The following PKD1L1 variants were observed in gnomAD, a reference collection of about 807,000 sequenced individuals.
The protein encoded by PKD1L1 is polycystin 1 like 1, transient receptor potential channel interacting.
In PKD1L1, 236 loss-of-function variants were observed where a neutral mutation model predicts 323.4. That is an observed-to-expected ratio of 0.73 (90% CI 0.66 to 0.81). The LOEUF is 0.81. Among genes scored for constraint, PKD1L1 ranks in the 40% least tolerant of loss-of-function variants. PKD1L1 has a pLI of 0.00. For missense variants in PKD1L1, 3,320 were observed against 3,508.0 expected (o/e 0.95, Z 1.35); for synonymous variants, 1,344 against 1,335.0 (o/e 1.01, Z -0.15).
rs150396133 is a variant in PKD1L1 at position 47,804,658 on chromosome 7, G to A, written c.7828-1314C>T. ...TATTATTATTATTTTTATTTTTTTTGCATTTTAATAGAGACAGCATTTCAC... is the reference window on the plus strand; with the variant it reads ...TATTATTATTATTTTTATTTTTTTTACATTTTAATAGAGACAGCATTTCAC... On this transcript the variant is annotated intron_variant, in intron 52 of 56. Transcript: ENST00000289672. Among the ~76,000 whole-genome samples, 385 of 150,980 alleles carry A rather than the reference G, an allele frequency of 2.6e-3. 1 individual carries two copies. Among genetic ancestry groups the A allele is most frequent in the African/African-American group, 8.7e-3 (359 of 41,244 alleles).
At chr7:47,784,584 T>C (rs1208495471) in intron 56 of PKD1L1, among the ~76,000 whole-genome samples, 1 of 152,114 alleles carries the variant, frequency 6.6e-6, no homozygotes, top group Non-Finnish European at 1.5e-5. Context: ...GCAATTCTCC[T>C]GCCTCAGCCT....
chr7:47,858,368 AC>A (rs34993458), intron 27 of PKD1L1, among the ~76,000 whole-genome samples: 31,302 of 152,172 alleles, frequency 0.21, 4,080 homozygotes, highest in African/African-American at 0.36. Flanking sequence ...CCTCAAAAAA[AC>A]AGAAGGTATC....
intron 16 of PKD1L1, among the ~76,000 whole-genome samples, 200 bp downstream of exon 16, chr7:47,890,342 G>A (rs1025462571): frequency 6.6e-6 from 1 of 152,232 alleles, no homozygotes; most frequent in African/African-American, 2.4e-5. Context: ...GTCAGATGCT[G>A]CCCAGACATC....
Position 47,936,837 on chromosome 7 carries a change from T to G in PKD1L1, c.398+9A>C. ...AAAAGCAATATTTCGCCATGGTACA[T>G]TGACATACCTATCAGCACTGTTATC... On this transcript the variant is annotated intron_variant, in intron 4 of 56. Transcript: ENST00000289672. 4 of 1,583,012 alleles carry G rather than the reference T, an allele frequency of 2.5e-6. No homozygotes were observed. Among genetic ancestry groups the G allele is most frequent in the Non-Finnish European group, 3.4e-6 (4 of 1,159,834 alleles).
intron 46 of PKD1L1, chr7:47,819,560 T>TG (rs771747505): frequency 2.7e-5 from 37 of 1,363,928 alleles, no homozygotes; most frequent in Non-Finnish European, 9.8e-6. Flanking sequence ...GCTGAAAAGT[T>TG]GGTCATGGAT....
chr7:47,881,881 T>C (rs751660394), intron 20 of PKD1L1, 28 bp downstream of exon 20: 2 of 1,535,112 alleles, frequency 1.3e-6, no homozygotes, highest in Admixed American at 4.6e-5. Context: ...ACACTGCAAA[T>C]TGGAGGGTAC....
In PKD1L1 at chr7:47,946,509, TACAC is replaced by T. The variant is rs932958470; in HGVS notation, c.44+1884_44+1887del. ...CACCACGCACCACACAAACACACCA[TACAC>T]ACAAACACCACACACACACCAACAC... is the stretch of plus-strand genomic sequence containing the variant. On this transcript the variant is annotated intron_variant, in intron 1 of 56. Transcript: ENST00000289672. The surrounding 1 kb of genome is among the most constrained non-coding windows in gnomAD (Gnocchi z 4.1). Among the ~76,000 whole-genome samples, 86 of 138,674 alleles carry T rather than the reference TACAC, an allele frequency of 6.2e-4. No homozygotes were observed. The highest frequency in any genetic ancestry group is 2.2e-3 in the African/African-American group (83 of 37,672). 91.0% of individuals were successfully genotyped at this position (138,674 alleles called of 152,430 possible). A position where few individuals can be genotyped will look rare whatever the true frequency, so the allele number is the denominator to read the frequency against.
At chr7:47,807,224 C>T (rs1311610266) in intron 52 of PKD1L1, among the ~76,000 whole-genome samples, 1 of 152,028 alleles carries the variant, frequency 6.6e-6, no homozygotes, top group Non-Finnish European at 1.5e-5. Flanking sequence ...GAACCTGTTT[C>T]TTTCCTCTAG....
rs931440367 is a variant in PKD1L1, at chr7:47,839,852, C to T, written c.5553-190G>A. Among the ~76,000 whole-genome samples the T allele has an allele frequency of 3.9e-5, 6 of 152,312 alleles. No homozygotes were observed. The highest frequency in any genetic ancestry group is 4.1e-4 in the South Asian group (2 of 4,826). ...CCGGCCAGAGGATGGGAAATCCCAC[C>T]GAGCACAGTGACCCTGCACTCAGGC... On this transcript the variant is annotated intron_variant, in intron 35 of 56. Transcript: ENST00000289672. This position sits in a 1 kb window ranked among gnomAD's most constrained non-coding sequence, Gnocchi z 4.3.
At chr7:47,788,656 T>C (rs1786869112) in intron 56 of PKD1L1, among the ~76,000 whole-genome samples, 1 of 150,732 alleles carries the variant, frequency 6.6e-6, no homozygotes, top group Non-Finnish European at 1.5e-5. Flanking sequence ...AGTGCAGTGG[T>C]GCAATCTCGG....
intron 6 of PKD1L1, 37 bp from the exon 7 acceptor site, chr7:47,929,563 A>AGT (rs1787725813): frequency 6.4e-7 from 1 of 1,555,266 alleles, no homozygotes; most frequent in African/African-American, 1.4e-5. Flanking sequence ...ATTTCATGAC[A>AGT]GTGGACCACT....
intron 52 of PKD1L1, among the ~76,000 whole-genome samples, chr7:47,804,002 G>A (rs73329500): frequency 0.017 from 2,637 of 152,244 alleles, 94 homozygotes; most frequent in African/African-American, 0.061. Flanking sequence ...GGGGCTTATG[G>A]GGAAAGTACT....
chr7:47,914,584 G>T (rs1365810418), intron 8 of PKD1L1, among the ~76,000 whole-genome samples: 10 of 152,194 alleles, frequency 6.6e-5, no homozygotes, highest in African/African-American at 2.4e-4. Context: ...GGGTAAAACA[G>T]GGTTATGTTT....
Position 47,815,340 on chromosome 7 carries a change from C to T in PKD1L1, c.7083G>A (p.Gly2361=). The part of the protein sequence containing the change: ...PGGTPSARVP[G]AQPGALGGKC... Reference sequence around the variant, plus strand: ...GAGGAGACGGAAAGCTCACCTGAGCCCCCGGCACACGGGCTGACGGGGTGC... The same window carrying T: ...GAGGAGACGGAAAGCTCACCTGAGCTCCCGGCACACGGGCTGACGGGGTGC... The change falls in exon 47 of 57, where the codon GGG becomes GGA. Residue 2361 remains glycine (G), a synonymous_variant. Transcript: ENST00000289672. The T allele has an allele frequency of 5.0e-6, 8 of 1,613,876 alleles. No individual in the cohort carries two copies. The highest frequency in any genetic ancestry group is 6.8e-6 in the Non-Finnish European group (8 of 1,179,916).
chr7:47,832,986 A>G, intron 41 of PKD1L1, 104 bp downstream of exon 41: 1 of 1,405,160 alleles, frequency 7.1e-7, no homozygotes, highest in Non-Finnish European at 9.5e-7. Context: ...TAGAGTATTC[A>G]GTGACATTTG....
intron 26 of PKD1L1, among the ~76,000 whole-genome samples, chr7:47,860,202 A>G (rs1785995213): frequency 6.6e-6 from 1 of 152,210 alleles, no homozygotes; most frequent in Non-Finnish European, 1.5e-5. Context: ...TAACAAAACT[A>G]CGAGTCTTTA....
At position 47,826,611 on chromosome 7, in the gene PKD1L1, T is replaced by C. The variant is rs373916572; in HGVS notation, c.6854+739A>G. Among the ~76,000 whole-genome samples the C allele has an allele frequency of 4.6e-5, 7 of 152,240 alleles. 1 individual carries two copies. The highest frequency in any genetic ancestry group is 3.3e-4 in the Admixed American group (5 of 15,302). On this transcript the variant is annotated intron_variant, in intron 45 of 56. Transcript: ENST00000289672. Reference sequence around the variant, plus strand: ...ATTCCCAAGTCCTTGACAAACTACATGAGAAAGATTGGTAGGAGACCGAAT... The same window carrying C: ...ATTCCCAAGTCCTTGACAAACTACACGAGAAAGATTGGTAGGAGACCGAAT...
upstream of PKD1L1, among the ~76,000 whole-genome samples, chr7:47,952,391 C>A (rs566198119): frequency 7.9e-5 from 12 of 152,160 alleles, no homozygotes; most frequent in Non-Finnish European, 1.6e-4. Flanking sequence ...GGGAAGTGAG[C>A]ACAGGTAGAA....
At chr7:47,783,933 A>T (rs763747643) in intron 56 of PKD1L1, among the ~76,000 whole-genome samples, 3 of 152,242 alleles carry the variant, frequency 2.0e-5, no homozygotes, top group Admixed American at 2.0e-4. Flanking sequence ...CCGACAGTGT[A>T]TTTTAGTCCT....
Sources: allele counts gnomAD v4.1 joint callset (sites outside exome capture counted in the v4.1 genomes callset), GRCh38; gene constraint gnomAD v4.1.1; non-coding constraint Gnocchi (gnomAD v3.1); transcripts MANE v1.5; gene names NCBI Gene and HGNC (gene_info 2026-07-23, HGNC 2026-07-21).